Variants in TMF1 observed in about 807,000 individuals in gnomAD.
The protein encoded by TMF1 is TATA element modulatory factor 1, also known as TATA element modulatory factor.
A neutral mutation model predicts 126.5 loss-of-function variants in TMF1; 71 were observed. The ratio of observed to expected loss-of-function variants is 0.56; its 90% CI spans 0.46 to 0.68. The LOEUF is 0.68. TMF1 is among the 30% of genes least tolerant of loss of function. The pLI, the probability that TMF1 is intolerant of heterozygous loss-of-function variation, is 0.00. For missense variants in TMF1, 1,259 were observed against 1,253.2 expected (o/e 1.00, Z -0.07); for synonymous variants, 461 against 430.5 (o/e 1.07, Z -0.88).
chr3:69,045,704 T>G (rs963723720), intron 2 of TMF1, among the ~76,000 whole-genome samples: 2 of 151,944 alleles, frequency 1.3e-5, no homozygotes, highest in African/African-American at 2.4e-5. Context: ...CACTTGAACC[T>G]GGGAGGCAGA....
chr3:69,021,107 G>A lies in TMF1; in HGVS notation c.*2070C>T, dbSNP rs1454754281. 6.6e-6 allele frequency: 1 copy of A among 152,146 alleles called. No homozygotes were observed. The allele number at this position is 152,146 out of a possible 1,614,324, so 9.4% of individuals were successfully genotyped here. On this transcript the variant is annotated 3_prime_UTR_variant, in exon 17 of 17. Transcript: ENST00000398559. ...AGTACAGTACAATAAGATATTTTGAGAGAAAGAGACAGACATATCACATTT... is the reference window on the plus strand; with the variant it reads ...AGTACAGTACAATAAGATATTTTGAAAGAAAGAGACAGACATATCACATTT...
chr3:69,025,882 T>C, intron 14 of TMF1, 114 bp downstream of exon 14: 5 of 1,104,560 alleles, frequency 4.5e-6, no homozygotes, highest in Non-Finnish European at 6.5e-6. Flanking sequence ...CCACAAGTAT[T>C]CAGATGAATT....
chr3:69,044,465 CATT>C (rs770246456), intron 3 of TMF1, 24 bp downstream of exon 3: 6 of 1,254,294 alleles, frequency 4.8e-6, no homozygotes, highest in Non-Finnish European at 6.8e-6. Flanking sequence ...AAATGTGTAA[CATT>C]ATTCACATTT....
chr3:69,046,013 A>C (rs2091893892), intron 2 of TMF1, among the ~76,000 whole-genome samples: 3 of 152,070 alleles, frequency 2.0e-5, no homozygotes, highest in Admixed American at 2.0e-4. Context: ...CCATGATCGC[A>C]CCACTGCACA....
At chr3:69,025,425 T>C (rs536734697) in intron 15 of TMF1, 135 bp downstream of exon 15, 14 of 754,358 alleles carry the variant, frequency 1.9e-5, no homozygotes, top group South Asian at 1.8e-4. Flanking sequence ...ATATATGTGA[T>C]ACATTTTGGG....
intron 1 of TMF1, 149 bp from the exon 2 acceptor site, chr3:69,048,711 CATCA>C: frequency 1.4e-6 from 1 of 707,574 alleles, no homozygotes; most frequent in Non-Finnish European, 2.2e-6. Context: ...TTGCTTACTA[CATCA>C]TTAAGTAGTT....
chr3:69,033,398 C>A (rs1342035745), intron 10 of TMF1, 150 bp downstream of exon 10: 7 of 881,472 alleles, frequency 7.9e-6, no homozygotes, highest in African/African-American at 3.4e-5. Flanking sequence ...ATTAAAAATA[C>A]ATGTAGAAAA....
At chr3:69,032,605 T>C (rs2091808904) in intron 10 of TMF1, among the ~76,000 whole-genome samples, 1 of 130,684 alleles carries the variant, frequency 7.7e-6, no homozygotes, top group Non-Finnish European at 1.6e-5. Context: ...AGAAGCAGAA[T>C]ATGGAATCTT....
Position 69,033,692 on chromosome 3 carries a change from C to G in TMF1, c.2257G>C (p.Ala753Pro). ...IGELQQRLQEAENRNQELSQS... is the reference protein window; with the variant it reads ...IGELQQRLQEPENRNQELSQS... ...CTCAGTTCCTGGTTTCGATTCTCTG[C>G]TTCCTGGAGTCTCTGAATCATGAAA... Residue 753 changes from alanine to proline, a missense_variant, in exon 10 of 17, where the codon GCA becomes CCA. Ala to Pro is a conservative substitution (Grantham distance 27, BLOSUM62 -1). Coordinates refer to ENST00000398559, the MANE Select transcript of TMF1 (RefSeq NM_007114.3). 1 of 1,607,602 alleles carries G rather than the reference C, an allele frequency of 6.2e-7. No homozygotes were observed. The highest frequency in any genetic ancestry group is 8.5e-7 in the Non-Finnish European group (1 of 1,177,878).
At chr3:69,044,183 C>A (rs2091882556) in intron 3 of TMF1, among the ~76,000 whole-genome samples, 1 of 152,142 alleles carries the variant, frequency 6.6e-6, no homozygotes, top group Non-Finnish European at 1.5e-5. Context: ...TCCCAATCAG[C>A]TCCTTATAGC....
chr3:69,033,504 G>A (rs372397563), intron 10 of TMF1, 44 bp downstream of exon 10: 45 of 1,569,000 alleles, frequency 2.9e-5, no homozygotes, highest in South Asian at 2.6e-4. Flanking sequence ...CTATAAACAA[G>A]ATGGAAGAGC....
chr3:69,040,051 A>C (rs953336309), intron 5 of TMF1, among the ~76,000 whole-genome samples: 1 of 152,238 alleles, frequency 6.6e-6, no homozygotes, highest in African/African-American at 2.4e-5. Flanking sequence ...GTTGTTCAAT[A>C]TCACCCAGAT....
rs1177086516 is a variant in TMF1, at chr3:69,026,021, C to T, written c.2834G>A (p.Gly945Glu). Residue 945 changes from glycine (G) to glutamate (E), a missense_variant, in exon 14 of 17, where the codon GGA (glycine) becomes GAA (glutamate). Coordinates refer to ENST00000398559, the MANE Select transcript of TMF1 (RefSeq NM_007114.3). Reference protein sequence around the residue: ...SSSISGVDMAGLQTSFLSQDE... With the variant: ...SSSISGVDMAELQTSFLSQDE... ...CTGAGACAGAAAAGATGTCTGTAGTCCTGCCATATCAACACCACTTATTGA... is the reference window on the plus strand; with the variant it reads ...CTGAGACAGAAAAGATGTCTGTAGTTCTGCCATATCAACACCACTTATTGA... 1 of 1,613,726 alleles carries T rather than the reference C, an allele frequency of 6.2e-7. No individual in the cohort carries two copies. Among genetic ancestry groups the T allele is most frequent in the African/African-American group, 1.3e-5 (1 of 74,894 alleles).
In TMF1 at chr3:69,028,005, A is replaced by G; in HGVS notation, c.2665-13T>C. 1 of 1,463,590 alleles carries G rather than the reference A, an allele frequency of 6.8e-7. No homozygotes were observed. Among genetic ancestry groups the G allele is most frequent in the Admixed American group, 1.8e-5 (1 of 55,118 alleles). 90.7% of individuals were successfully genotyped at this position (1,463,590 alleles called of 1,614,324 possible). A position where few individuals can be genotyped will look rare whatever the true frequency, so the allele number is the denominator to read the frequency against. ...TATTCAACAATGTCTAATAGAGAGA[A>G]ATAAAGTTAGACAATTTCTGTGATA... On this transcript the variant is annotated splice_polypyrimidine_tract_variant and intron_variant, in intron 12 of 16. Transcript: ENST00000398559.
chr3:69,041,599 T>C (rs145876700), intron 5 of TMF1, among the ~76,000 whole-genome samples: 25 of 152,236 alleles, frequency 1.6e-4, no homozygotes, highest in African/African-American at 5.5e-4. Flanking sequence ...TAGTAAAACA[T>C]ATTATGGTAT....
In TMF1 at chr3:69,048,027, A is replaced by C; in HGVS notation, c.678T>G (p.Ala226=). 1 of 1,613,988 alleles carries C rather than the reference A, an allele frequency of 6.2e-7. No individual in the cohort carries two copies. The highest frequency in any genetic ancestry group is 8.5e-7 in the Non-Finnish European group (1 of 1,180,022). ...CATGTTTTTGTTCCTTAGGTTCCAA[A>C]GCTATGTCCTTTGTTTCTGCTGTGA... ...QSLTAETKDI[A]LEPKEQKHED... is the part of the protein sequence containing the mutation. The change falls in exon 2 of 17, where the codon GCT becomes GCG. Residue 226 remains alanine (A), a synonymous_variant. Transcript: ENST00000398559.
In TMF1 at chr3:69,047,666, C is replaced by A; in HGVS notation, c.1039G>T (p.Glu347Ter). The A allele has an allele frequency of 6.2e-7, 1 of 1,614,086 alleles. No individual in the cohort carries two copies. Among genetic ancestry groups the A allele is most frequent in the South Asian group, 1.1e-5 (1 of 91,076 alleles). ...AAAGCATATCCCTTGCCTGACAATT[C>A]ATCATCTGAATTGATTTCACTTACA... ...RSVSEINSDD[E>*]LSGKGYALVP... Residue 347 changes from glutamate to a stop codon, truncating the protein, a stop_gained, in exon 2 of 17, where the codon GAA becomes TAA. Transcript: ENST00000398559. LOFTEE classifies it high-confidence loss of function.
chr3:69,046,193 G>A (rs2091894877), intron 2 of TMF1, among the ~76,000 whole-genome samples: 2 of 152,154 alleles, frequency 1.3e-5, no homozygotes, highest in African/African-American at 4.8e-5. Context: ...TCAGTATAAA[G>A]CTAAACAAAA....
At chr3:69,050,728 T>C (rs148508066) in intron 1 of TMF1, among the ~76,000 whole-genome samples, 1,566 of 152,326 alleles carry the variant, frequency 0.01, 26 homozygotes, top group African/African-American at 0.035. Context: ...CATACACACA[T>C]GGACCAAAAT....
Sources: allele counts gnomAD v4.1 joint callset (sites outside exome capture counted in the v4.1 genomes callset), GRCh38; gene constraint gnomAD v4.1.1; transcripts MANE v1.5; gene names NCBI Gene and HGNC (gene_info 2026-07-23, HGNC 2026-07-21).